The following FAM20A variants were observed in gnomAD, a reference collection of about 807,000 sequenced individuals.
FAM20A encodes pseudokinase FAM20A.
A neutral mutation model predicts 52.0 loss-of-function variants in FAM20A; 42 were observed. The ratio of observed to expected loss-of-function variants is 0.81; its 90% CI spans 0.63 to 1.04. The LOEUF is 1.04. Among genes scored for constraint, FAM20A ranks in the 50% least tolerant of loss-of-function variants. FAM20A has a pLI of 0.00. For synonymous variants in FAM20A, 304 were observed against 298.9 expected (o/e 1.02, Z -0.18); for missense variants, 742 against 712.7 (o/e 1.04, Z -0.47).
At chr17:68,579,097 A>C (rs567783588) in intron 1 of FAM20A, among the ~76,000 whole-genome samples, 23 of 152,148 alleles carry the variant, frequency 1.5e-4, no homozygotes, top group Admixed American at 6.6e-4. Flanking sequence ...AAGTGCATAA[A>C]GAAGCACAGA....
At chr17:68,579,113 G>A (rs140286152) in intron 1 of FAM20A, among the ~76,000 whole-genome samples, 313 of 152,178 alleles carry the variant, frequency 2.1e-3, no homozygotes, top group African/African-American at 6.9e-3. Context: ...ACAGAATTTT[G>A]GGGAAGCATG....
intron 10 of FAM20A, among the ~76,000 whole-genome samples, chr17:68,538,196 AATCACAGAG>A (rs1402464860): frequency 6.6e-6 from 1 of 152,220 alleles, no homozygotes; most frequent in Non-Finnish European, 1.5e-5. Flanking sequence ...CAGATTTTAA[AATCACAGAG>A]ATGAAAATGT....
At chr17:68,540,040 AG>A in intron 8 of FAM20A, 74 bp from the exon 9 acceptor site, 2 of 1,279,796 alleles carry the variant, frequency 1.6e-6, no homozygotes, top group East Asian at 4.7e-5. Context: ...AGTTCTCTCC[AG>A]GGAACGGAGG....
intron 1 of FAM20A, among the ~76,000 whole-genome samples, chr17:68,556,577 GA>G (rs1211221810): frequency 6.6e-6 from 1 of 151,894 alleles, no homozygotes; most frequent in African/African-American, 2.4e-5. Context: ...ACGGGGCAGG[GA>G]GGGGGGGTGG....
At chr17:68,567,742 G>A (rs948978709) in intron 1 of FAM20A, among the ~76,000 whole-genome samples, 2 of 151,984 alleles carry the variant, frequency 1.3e-5, no homozygotes, top group African/African-American at 2.4e-5. Flanking sequence ...ATCTCGAATT[G>A]TAATCCCCAC....
chr17:68,541,028 TCC>T, intron 7 of FAM20A, 70 bp from the exon 8 acceptor site: 1 of 1,525,264 alleles, frequency 6.6e-7, no homozygotes, highest in Non-Finnish European at 8.8e-7. Flanking sequence ...TCCCCACACC[TCC>T]CCCTGCCCCC....
intron 1 of FAM20A, among the ~76,000 whole-genome samples, chr17:68,559,235 A>G (rs1443881146): frequency 6.6e-6 from 1 of 152,252 alleles, no homozygotes; most frequent in Admixed American, 6.5e-5. Context: ...TCTTATTTTA[A>G]GCATATGCTT....
intron 1 of FAM20A, chr17:68,558,491 G>C (rs1029907688): frequency 2.3e-5 from 5 of 218,262 alleles, no homozygotes. Context: ...GTCTTGCTCA[G>C]AGTTCATGTG....
At chr17:68,594,870 C>T (rs571014648) in intron 1 of FAM20A, among the ~76,000 whole-genome samples, 8 of 152,192 alleles carry the variant, frequency 5.3e-5, no homozygotes, top group Non-Finnish European at 7.3e-5. Context: ...GATTAGGTCA[C>T]GCTAACCAGA....
In FAM20A at chr17:68,600,905, G is replaced by T; in HGVS notation, c.-239C>A. On this transcript the variant is annotated 5_prime_UTR_variant, in exon 1 of 11. Coordinates refer to ENST00000592554, the MANE Select transcript of FAM20A (RefSeq NM_017565.4). The surrounding 1 kb of genome is among the most constrained non-coding windows in gnomAD (Gnocchi z 6.2). ...TCAGCGGGCGTCGCTTCTCCGCGCC[G>T]AGTGAGCCGAGGGAATGGGGTTCCC... 2.0e-6 allele frequency: 1 copy of T among 490,926 alleles called. No homozygotes were observed. The highest frequency in any genetic ancestry group is 3.5e-6 in the Non-Finnish European group (1 of 282,800). 30.4% of individuals were successfully genotyped at this position (490,926 alleles called of 1,614,324 possible). A position where few individuals can be genotyped will look rare whatever the true frequency, so the allele number is the denominator to read the frequency against.
At chr17:68,540,762 G>T in intron 8 of FAM20A, 87 bp downstream of exon 8, 1 of 1,499,634 alleles carries the variant, frequency 6.7e-7, no homozygotes, top group Non-Finnish European at 9.0e-7. Context: ...TCATGAACCA[G>T]GTTGTAAGTT....
intron 1 of FAM20A, among the ~76,000 whole-genome samples, chr17:68,581,352 T>TTCTTTCTA (rs1434219357): frequency 1.2e-5 from 1 of 85,226 alleles, no homozygotes; most frequent in Non-Finnish European, 2.7e-5. Context: ...AATGCAGTTT[T>TTCTTTCTA]TCTTTCTTTC....
chr17:68,545,029 T>C (rs1301125967), intron 4 of FAM20A, among the ~76,000 whole-genome samples: 1 of 152,252 alleles, frequency 6.6e-6, no homozygotes, highest in African/African-American at 2.4e-5. Context: ...TTTATGTTCC[T>C]AATGTATATT....
rs369293774 is a variant in FAM20A at position 68,539,970 on chromosome 17, TGAA to T, written c.1220-7_1220-5del. 4.7e-5 allele frequency: 76 copies of T among 1,613,896 alleles called. No individual in the cohort carries two copies. In the African/African-American group the frequency reaches 8.4e-4, roughly 18 times the overall value. ...TAATGGTGCCGGTCCATATTCCCTG[TGAA>T]GGAGGGGAGGACTTAGCTGGAACCA... On this transcript the variant is annotated splice_polypyrimidine_tract_variant and splice_region_variant and intron_variant, in intron 8 of 10. Coordinates refer to ENST00000592554, the MANE Select transcript of FAM20A (RefSeq NM_017565.4).
At chr17:68,562,621 T>C (rs538135894) in intron 1 of FAM20A, among the ~76,000 whole-genome samples, 105 of 136,580 alleles carry the variant, frequency 7.7e-4, no homozygotes, top group African/African-American at 3.5e-3. Context: ...TCCCCCCCCC[T>C]TTTTATTTTA....
intron 1 of FAM20A, among the ~76,000 whole-genome samples, chr17:68,591,194 C>T (rs190816018): frequency 6.6e-6 from 1 of 152,284 alleles, no homozygotes; most frequent in East Asian, 1.9e-4. Flanking sequence ...GCAAGCTCCA[C>T]CTCCTGGGTT....
intron 1 of FAM20A, among the ~76,000 whole-genome samples, chr17:68,584,289 C>T (rs781286173): frequency 1.2e-4 from 18 of 151,982 alleles, no homozygotes; most frequent in Non-Finnish European, 2.6e-4. Flanking sequence ...TGTATTCCAG[C>T]CTGGGTGGCA....
At chr17:68,570,011 G>C (rs2087494581) in intron 1 of FAM20A, among the ~76,000 whole-genome samples, 1 of 152,200 alleles carries the variant, frequency 6.6e-6, no homozygotes, top group South Asian at 2.1e-4. Context: ...CAAAGGTAGA[G>C]TCTATTTCTG....
intron 8 of FAM20A, among the ~76,000 whole-genome samples, chr17:68,540,231 C>G (rs1360181941): frequency 6.6e-6 from 1 of 152,180 alleles, no homozygotes; most frequent in Non-Finnish European, 1.5e-5. Flanking sequence ...CAGCCTTTGG[C>G]CAGAGATTTG....
Sources: allele counts gnomAD v4.1 joint callset (sites outside exome capture counted in the v4.1 genomes callset), GRCh38; gene constraint gnomAD v4.1.1; non-coding constraint Gnocchi (gnomAD v3.1); transcripts MANE v1.5; gene names NCBI Gene and HGNC (gene_info 2026-07-23, HGNC 2026-07-21).